PDGFC: variants seen among roughly 807,000 people sequenced by gnomAD.
The protein encoded by PDGFC is platelet-derived growth factor C.
In PDGFC, 12 loss-of-function variants were observed where a neutral mutation model predicts 35.5. That is an observed-to-expected ratio of 0.34 (90% CI 0.22 to 0.55). PDGFC has a LOEUF of 0.55. Among genes scored for constraint, PDGFC ranks in the 20% least tolerant of loss-of-function variants. The pLI, the probability that PDGFC is intolerant of heterozygous loss-of-function variation, is 0.91. For missense variants in PDGFC, 322 were observed against 412.4 expected (o/e 0.78, Z 1.90); for synonymous variants, 159 against 148.8 (o/e 1.07, Z -0.50).
At chr4:156,914,068 T>G (rs2110815577) in intron 1 of PDGFC, among the ~76,000 whole-genome samples, 1 of 152,064 alleles carries the variant, frequency 6.6e-6, no homozygotes, top group Non-Finnish European at 1.5e-5. Flanking sequence ...GATCTGGAAT[T>G]ACAATGATCA....
In PDGFC at chr4:156,767,767, A is replaced by G. The variant is rs1264227778; in HGVS notation, c.921+6T>C. On this transcript the variant is annotated splice_donor_region_variant and intron_variant, in intron 5 of 5. Coordinates refer to ENST00000502773, the MANE Select transcript of PDGFC (RefSeq NM_016205.3). Reference sequence around the variant, plus strand: ...AAGGAAACCAAAAAGAAAATTGTATACCTACCTCGTGGTATTTTTTAGTAA... The same window carrying G: ...AAGGAAACCAAAAAGAAAATTGTATGCCTACCTCGTGGTATTTTTTAGTAA... The G allele has an allele frequency of 1.3e-6, 2 of 1,577,284 alleles. No individual in the cohort carries two copies. Among genetic ancestry groups the G allele is most frequent in the African/African-American group, 1.3e-5 (1 of 74,154 alleles).
intron 1 of PDGFC, among the ~76,000 whole-genome samples, chr4:156,858,824 T>A (rs1042421756): frequency 6.6e-6 from 1 of 152,118 alleles, no homozygotes; most frequent in South Asian, 2.1e-4. Context: ...GAAAATATTT[T>A]CAATAAAGAA....
chr4:156,844,243 T>C (rs1409161653), intron 2 of PDGFC, among the ~76,000 whole-genome samples: 1 of 152,198 alleles, frequency 6.6e-6, no homozygotes, highest in Non-Finnish European at 1.5e-5. Flanking sequence ...GTTATATTAT[T>C]TGGCATAGGG....
intron 3 of PDGFC, among the ~76,000 whole-genome samples, chr4:156,802,133 A>C (rs1731628867): frequency 6.6e-6 from 1 of 152,168 alleles, no homozygotes; most frequent in African/African-American, 2.4e-5. Context: ...TCGTTGGAGA[A>C]AGGCATGGGC....
At chr4:156,928,433 G>T (rs372324357) in intron 1 of PDGFC, among the ~76,000 whole-genome samples, 172 of 152,202 alleles carry the variant, frequency 1.1e-3, no homozygotes, top group African/African-American at 3.9e-3. Context: ...GTAACCGTGG[G>T]ATTACTAGCT....
At chr4:156,804,875 T>A (rs903924037) in intron 3 of PDGFC, among the ~76,000 whole-genome samples, 1 of 151,016 alleles carries the variant, frequency 6.6e-6, no homozygotes, top group Admixed American at 6.6e-5. Flanking sequence ...AAAATATGAA[T>A]CAATCAAACC....
intron 2 of PDGFC, among the ~76,000 whole-genome samples, chr4:156,834,359 C>A (rs758059881): frequency 6.6e-6 from 1 of 152,110 alleles, no homozygotes; most frequent in African/African-American, 2.4e-5. Context: ...AGATAACATA[C>A]AATGCAGGCC....
At chr4:156,825,127 T>G (rs867307165) in intron 2 of PDGFC, among the ~76,000 whole-genome samples, 20 of 152,180 alleles carry the variant, frequency 1.3e-4, no homozygotes, top group Non-Finnish European at 2.6e-4. Flanking sequence ...CCTTCTACTT[T>G]GAACACAGTC....
At chr4:156,799,847 G>A (rs925697940) in intron 3 of PDGFC, among the ~76,000 whole-genome samples, 1 of 152,082 alleles carries the variant, frequency 6.6e-6, no homozygotes, top group Non-Finnish European at 1.5e-5. Flanking sequence ...ACCGTGTGGA[G>A]ACACTACAGT....
chr4:156,808,573 C>CT (rs1303078398), intron 3 of PDGFC, among the ~76,000 whole-genome samples: 11 of 151,856 alleles, frequency 7.2e-5, no homozygotes, highest in Admixed American at 2.0e-4. Context: ...AGGAGGCACA[C>CT]TTTCTTGCTT....
intron 1 of PDGFC, among the ~76,000 whole-genome samples, chr4:156,879,299 G>A (rs1016386745): frequency 7.9e-5 from 12 of 152,052 alleles, no homozygotes; most frequent in African/African-American, 1.5e-4. Context: ...TGAAAGACTC[G>A]TTTCACACTC....
At chr4:156,960,252 T>TTTTATATATATATATATA (rs1393791877) in intron 1 of PDGFC, among the ~76,000 whole-genome samples, 24 of 137,122 alleles carry the variant, frequency 1.8e-4, no homozygotes, top group African/African-American at 6.5e-4. Context: ...TATATAACTG[T>TTTTATATATATATATATA]TATATATATA....
At chr4:156,807,893 T>C (rs1385310936) in intron 3 of PDGFC, among the ~76,000 whole-genome samples, 2 of 152,090 alleles carry the variant, frequency 1.3e-5, no homozygotes, top group Non-Finnish European at 2.9e-5. Flanking sequence ...GAAAAGTAGA[T>C]AATGTTAACT....
intron 1 of PDGFC, among the ~76,000 whole-genome samples, chr4:156,877,200 T>C (rs984502156): frequency 7.2e-5 from 11 of 152,084 alleles, no homozygotes; most frequent in African/African-American, 2.7e-4. Context: ...CATTATTATA[T>C]ATAATAGAGA....
At chr4:156,950,558 A>C (rs1732055478) in intron 1 of PDGFC, among the ~76,000 whole-genome samples, 1 of 151,718 alleles carries the variant, frequency 6.6e-6, no homozygotes, top group Non-Finnish European at 1.5e-5. Context: ...TATGCACACA[A>C]AATTTAAAAT....
At chr4:156,870,698 T>C (rs1219411542) in intron 1 of PDGFC, among the ~76,000 whole-genome samples, 2 of 152,128 alleles carry the variant, frequency 1.3e-5, no homozygotes, top group Non-Finnish European at 2.9e-5. Flanking sequence ...CCCTAAGCCG[T>C]TGATGTATAA....
chr4:156,900,361 T>C (rs1334719835), intron 1 of PDGFC, among the ~76,000 whole-genome samples: 2 of 152,188 alleles, frequency 1.3e-5, no homozygotes, highest in African/African-American at 2.4e-5. Flanking sequence ...CCTTGATACA[T>C]GTTGTGTAAA....
Position 156,926,277 on chromosome 4 carries a change from C to T in PDGFC, c.118+44509G>A, listed in dbSNP as rs1356236692. 2.6e-5 allele frequency among the ~76,000 whole-genome samples: 4 copies of T among 151,934 alleles called. No individual in the cohort carries two copies. In the East Asian group the frequency reaches 7.7e-4, roughly 29 times the overall value. On this transcript the variant is annotated intron_variant, in intron 1 of 5. Transcript: ENST00000502773. Reference sequence around the variant, plus strand: ...TCCTAAGTGCTTAGGATCTTAATGACCCTTAAAGGTTAAAGACTGACCATG... The same window carrying T: ...TCCTAAGTGCTTAGGATCTTAATGATCCTTAAAGGTTAAAGACTGACCATG...
intron 2 of PDGFC, among the ~76,000 whole-genome samples, chr4:156,825,582 A>AAGAAGAAGAAGAAGAAGAAGAAGG (rs1732430485): frequency 9.1e-5 from 10 of 109,642 alleles, no homozygotes; most frequent in African/African-American, 3.7e-4. Flanking sequence ...TAATAATAAT[A>AAGAAGAAGAAGAAGAAGAAGAAGG]ATAATAATAA....
Sources: gnomAD v4.1 joint callset for allele counts (sites outside exome capture counted in the v4.1 genomes callset) on GRCh38, gnomAD v4.1.1 for gene constraint, MANE v1.5 for transcripts, NCBI Gene and HGNC (gene_info 2026-07-23, HGNC 2026-07-21) for gene names.